The following MTHFD1L variants were observed in gnomAD, a reference collection of about 807,000 sequenced individuals.
The protein encoded by MTHFD1L is monofunctional C1-tetrahydrofolate synthase, mitochondrial.
MTHFD1L carries 81 observed loss-of-function variants against 119.5 expected under a neutral mutation model. The observed-to-expected ratio is 0.68, with a 90% CI of 0.57 to 0.82. MTHFD1L has a LOEUF of 0.82. Among genes scored for constraint, MTHFD1L ranks in the 40% least tolerant of loss-of-function variants. The pLI is 0.00. For synonymous variants in MTHFD1L, 430 were observed against 475.2 expected (o/e 0.90, Z 1.24); for missense variants, 1,125 against 1,253.4 (o/e 0.90, Z 1.55).
intron 24 of MTHFD1L, among the ~76,000 whole-genome samples, chr6:151,017,847 T>TTTG (rs1783360726): frequency 6.8e-6 from 1 of 147,838 alleles, no homozygotes; most frequent in East Asian, 2.0e-4. Context: ...TTTTTTTTTT[T>TTTG]TTTTTGAGAC....
intron 14 of MTHFD1L, 98 bp from the exon 15 acceptor site, chr6:150,945,369 G>C (rs1793748301): frequency 1.1e-6 from 1 of 898,724 alleles, no homozygotes; most frequent in African/African-American, 1.7e-5. Flanking sequence ...TAAATAGTTC[G>C]GTTATAAATG....
chr6:151,095,789 G>A (rs1306633883), intron 27 of MTHFD1L, among the ~76,000 whole-genome samples: 1 of 152,234 alleles, frequency 6.6e-6, no homozygotes, highest in Non-Finnish European at 1.5e-5. Flanking sequence ...GTCACTGAGG[G>A]GTGGCCCTGG....
At chr6:150,955,607 C>CA (rs1289123703) in intron 16 of MTHFD1L, among the ~76,000 whole-genome samples, 1 of 149,390 alleles carries the variant, frequency 6.7e-6, no homozygotes, top group Non-Finnish European at 1.5e-5. Flanking sequence ...TCAAGTAATT[C>CA]TCCTGCCTCA....
intron 17 of MTHFD1L, among the ~76,000 whole-genome samples, chr6:150,959,482 G>A (rs1240044664): frequency 3.9e-5 from 6 of 152,304 alleles, no homozygotes; most frequent in Non-Finnish European, 7.4e-5. Flanking sequence ...TTCGTACAAC[G>A]TGGAGCCACA....
At chr6:151,052,499 G>A (rs1789215774) in intron 26 of MTHFD1L, among the ~76,000 whole-genome samples, 1 of 152,302 alleles carries the variant, frequency 6.6e-6, no homozygotes, top group South Asian at 2.1e-4. Context: ...CTCTACCCAG[G>A]AGTGCCCTGA....
intron 20 of MTHFD1L, among the ~76,000 whole-genome samples, chr6:150,994,095 A>AGAAAGAAAGAAAG (rs1562508913): frequency 7.0e-6 from 1 of 143,828 alleles, no homozygotes; most frequent in African/African-American, 2.7e-5. Context: ...GAAAGAAAGA[A>AGAAAGAAAGAAAG]AGTGACCCAG....
At chr6:151,057,323 G>A in intron 26 of MTHFD1L, 6 of 985,420 alleles carry the variant, frequency 6.1e-6, no homozygotes, top group Non-Finnish European at 6.0e-6. Context: ...ATATAATAAT[G>A]GTGGTGACTC....
In MTHFD1L at chr6:150,926,913, T is replaced by C. The variant is rs1248841285; in HGVS notation, c.1256+618T>C. On this transcript the variant is annotated intron_variant, in intron 11 of 27. Coordinates refer to ENST00000367321, the MANE Select transcript of MTHFD1L (RefSeq NM_015440.5). The surrounding 1 kb of genome is among the most constrained non-coding windows in gnomAD (Gnocchi z 4.3). ...GAAGTACATTCACTAGCTGAAAAGA[T>C]GATAGAAAGCAAGGGATTTCAAATA... is the stretch of plus-strand genomic sequence containing the variant. Among the ~76,000 whole-genome samples, 1 of 152,174 alleles carries C rather than the reference T, an allele frequency of 6.6e-6. No individual in the cohort carries two copies. The highest frequency in any genetic ancestry group is 1.5e-5 in the Non-Finnish European group (1 of 68,020).
chr6:150,991,361 TAAAA>T (rs1013852870), intron 20 of MTHFD1L, among the ~76,000 whole-genome samples: 1 of 152,132 alleles, frequency 6.6e-6, no homozygotes, highest in East Asian at 1.9e-4. Context: ...AATATAAAGT[TAAAA>T]AAATCAGGTT....
At chr6:150,970,704 G>A (rs1340753683) in intron 19 of MTHFD1L, among the ~76,000 whole-genome samples, 1 of 152,174 alleles carries the variant, frequency 6.6e-6, no homozygotes, top group Non-Finnish European at 1.5e-5. Context: ...CAAGATAAAT[G>A]TGTGTATGCC....
Position 151,005,804 on chromosome 6 carries a change from T to G in MTHFD1L, c.2126-4015T>G, listed in dbSNP as rs532935392. On this transcript the variant is annotated intron_variant, in intron 20 of 27. Coordinates refer to ENST00000367321, the MANE Select transcript of MTHFD1L (RefSeq NM_015440.5). ...ATAAATGAATAAGTAAATTAAAATA[T>G]GAAATTAAGCTTAGCTAGCCTGTGT... Among the ~76,000 whole-genome samples, 14 of 152,278 alleles carry G rather than the reference T, an allele frequency of 9.2e-5. No homozygotes were observed. In the South Asian group the frequency reaches 2.9e-3, roughly 32 times the overall value.
At position 151,084,521 on chromosome 6, in the gene MTHFD1L, C is replaced by T. The variant is rs531466387; in HGVS notation, c.2848-7946C>T. On this transcript the variant is annotated intron_variant, in intron 26 of 27. Coordinates refer to ENST00000367321, the MANE Select transcript of MTHFD1L (RefSeq NM_015440.5). Reference sequence around the variant, plus strand: ...CTTGAACTCCTGGCCCCAAGCGATCCTCCCACCTCGGCTTCCCAAAGTGTG... The same window carrying T: ...CTTGAACTCCTGGCCCCAAGCGATCTTCCCACCTCGGCTTCCCAAAGTGTG... 2.6e-5 allele frequency among the ~76,000 whole-genome samples: 4 copies of T among 152,292 alleles called. No homozygotes were observed. The East Asian group carries it at 5.8e-4, about 22-fold the overall frequency.
At chr6:150,963,755 TC>T (rs913399425) in intron 18 of MTHFD1L, among the ~76,000 whole-genome samples, 6 of 151,962 alleles carry the variant, frequency 3.9e-5, no homozygotes, top group African/African-American at 1.5e-4. Context: ...CGCCCTGTTT[TC>T]CCCCCCTAGA....
chr6:150,875,986 G>T, intron 1 of MTHFD1L, 104 bp from the exon 2 acceptor site: 1 of 909,438 alleles, frequency 1.1e-6, no homozygotes. Context: ...CTGTGGTCTA[G>T]TTATTTTCAC....
At position 150,865,912 on chromosome 6, in the gene MTHFD1L, C is replaced by T. The variant is rs1778211674; in HGVS notation, c.90C>T (p.Arg30=). ...GPPRRLRVPC[R]ASSGGGGGGG... The stretch of plus-strand genomic sequence containing the variant: ...CGCGCCGCCTCCGTGTGCCCTGTCG[C>T]GCTAGCAGCGGCGGCGGCGGAGGCG... The change falls in exon 1 of 28, where the codon CGC becomes CGT. Residue 30 remains arginine (R), a synonymous_variant. Coordinates refer to ENST00000367321, the MANE Select transcript of MTHFD1L (RefSeq NM_015440.5). 1.7e-6 allele frequency: 2 copies of T among 1,197,774 alleles called. No homozygotes were observed. The highest frequency in any genetic ancestry group is 3.7e-5 in the East Asian group (1 of 27,362). 74.2% of individuals were successfully genotyped at this position (1,197,774 alleles called of 1,614,324 possible).
intron 18 of MTHFD1L, among the ~76,000 whole-genome samples, chr6:150,963,575 C>G (rs1646944840): frequency 6.6e-6 from 1 of 152,010 alleles, no homozygotes; most frequent in South Asian, 2.1e-4. Context: ...AAATAGAAAC[C>G]AATCACATGA....
chr6:150,984,571 G>GAAA (rs77899794), intron 20 of MTHFD1L, among the ~76,000 whole-genome samples: 1 of 109,296 alleles, frequency 9.1e-6, no homozygotes, highest in Non-Finnish European at 2.1e-5. Flanking sequence ...AAAAACAAGG[G>GAAA]AAAAAAAAAA....
intron 11 of MTHFD1L, among the ~76,000 whole-genome samples, chr6:150,928,526 T>A (rs1405112146): frequency 6.7e-6 from 1 of 149,644 alleles, no homozygotes; most frequent in East Asian, 2.0e-4. Context: ...TTTCCTGTCC[T>A]CCTCTTTCTC....
chr6:150,890,911 A>T (rs1384127084), intron 7 of MTHFD1L, among the ~76,000 whole-genome samples: 1 of 152,256 alleles, frequency 6.6e-6, no homozygotes, highest in East Asian at 1.9e-4. Context: ...CATAGTTCAT[A>T]AAACAATGAT....
Sources: allele counts gnomAD v4.1 joint callset (sites outside exome capture counted in the v4.1 genomes callset), GRCh38; gene constraint gnomAD v4.1.1; non-coding constraint Gnocchi (gnomAD v3.1); transcripts MANE v1.5; gene names NCBI Gene and HGNC (gene_info 2026-07-23, HGNC 2026-07-21).